The following LVRN variants were observed in gnomAD, a reference collection of about 807,000 sequenced individuals.
The protein encoded by LVRN is aminopeptidase Q.
LVRN carries 99 observed loss-of-function variants against 111.4 expected under a neutral mutation model. The ratio of observed to expected loss-of-function variants is 0.89; its 90% CI spans 0.76 to 1.05. The LOEUF (loss-of-function observed/expected upper bound fraction) is 1.05. LVRN is among the 50% of genes least tolerant of loss of function. LVRN has a pLI of 0.00. For synonymous variants in LVRN, 488 were observed against 449.5 expected (o/e 1.09, Z -1.08); for missense variants, 1,414 against 1,206.8 (o/e 1.17, Z -2.54).
At chr5:115,981,291 G>T (rs577432529) in intron 1 of LVRN, among the ~76,000 whole-genome samples, 1 of 152,122 alleles carries the variant, frequency 6.6e-6, no homozygotes, top group East Asian at 1.9e-4. Context: ...CAATTGCTAT[G>T]AACCCAGATT....
intron 6 of LVRN, 75 bp from the exon 7 acceptor site, chr5:115,999,687 G>C: frequency 1.3e-6 from 2 of 1,499,640 alleles, no homozygotes; most frequent in Non-Finnish European, 1.8e-6. Flanking sequence ...GTTTTTGAAA[G>C]TATTTTAGGG....
chr5:115,998,199 G>A (rs1016935628), intron 6 of LVRN, among the ~76,000 whole-genome samples: 1 of 152,066 alleles, frequency 6.6e-6, no homozygotes, highest in African/African-American at 2.4e-5. Context: ...ATATTTTAAG[G>A]TTTTTCTTTT....
chr5:115,983,552 AG>A (rs1747768820), intron 2 of LVRN, 123 bp downstream of exon 2: 3 of 1,094,298 alleles, frequency 2.7e-6, no homozygotes, highest in Non-Finnish European at 2.5e-6. Context: ...TACTATAATT[AG>A]GTAGAGCAGT....
At chr5:116,008,022 C>T (rs7729142) in intron 13 of LVRN, among the ~76,000 whole-genome samples, 72,027 of 151,852 alleles carry the variant, frequency 0.47, 17,528 homozygotes, top group South Asian at 0.58. Flanking sequence ...TCTTCTTTGG[C>T]GTTTCCATTC....
At chr5:115,971,371 C>T (rs1315870434) in intron 1 of LVRN, among the ~76,000 whole-genome samples, 1 of 152,076 alleles carries the variant, frequency 6.6e-6, no homozygotes, top group Non-Finnish European at 1.5e-5. Flanking sequence ...TTATATATAT[C>T]AAGCTTTTGT....
intron 5 of LVRN, among the ~76,000 whole-genome samples, chr5:115,993,287 A>G (rs1280216343): frequency 6.6e-6 from 1 of 151,768 alleles, no homozygotes; most frequent in East Asian, 1.9e-4. Context: ...TGATTTGTAC[A>G]TGGCACAGAT....
Position 116,014,518 on chromosome 5 carries a change from C to G in LVRN, c.2441C>G (p.Pro814Arg). 1 of 1,612,060 alleles carries G rather than the reference C, an allele frequency of 6.2e-7. No homozygotes were observed. Among genetic ancestry groups the G allele is most frequent in the Non-Finnish European group, 8.5e-7 (1 of 1,178,446 alleles). The part of the protein sequence containing the change: ...KELFAKWVDH[P>R]ENEIPYPIKD... ...CTTTTCGCAAAATGGGTGGATCATC[C>G]AGAAAATGAGTAAGAGTAATATCAT... Residue 814 changes from proline (P) to arginine (R), a missense_variant, in exon 16 of 20, where the codon CCA becomes CGA. Physicochemically the swap from Pro to Arg is moderately radical, Grantham distance 103. Transcript: ENST00000357872.
chr5:115,979,159 T>C (rs150672771), intron 1 of LVRN, among the ~76,000 whole-genome samples: 2,995 of 152,166 alleles, frequency 0.02, 33 homozygotes, highest in Non-Finnish European at 0.03. Flanking sequence ...CAAGGAATGC[T>C]CATGCTTCCC....
chr5:115,988,575 AT>A (rs1747919020), intron 4 of LVRN, among the ~76,000 whole-genome samples: 1 of 152,140 alleles, frequency 6.6e-6, no homozygotes, highest in African/African-American at 2.4e-5. Context: ...ATGTAAATGT[AT>A]TTTGTTCTTC....
At chr5:116,008,556 G>T (rs1245162824) in intron 13 of LVRN, among the ~76,000 whole-genome samples, 1 of 151,502 alleles carries the variant, frequency 6.6e-6, no homozygotes, top group African/African-American at 2.4e-5. Flanking sequence ...CAAAGGATAA[G>T]TTCTTGAAGG....
intron 2 of LVRN, among the ~76,000 whole-genome samples, chr5:115,983,842 T>A (rs1394570211): frequency 6.6e-6 from 1 of 152,190 alleles, no homozygotes; most frequent in Non-Finnish European, 1.5e-5. Flanking sequence ...AATTTAAATG[T>A]GAAAACTTAG....
rs777308737 is a variant in LVRN, at chr5:116,001,137, A to G, written c.1718A>G (p.Gln573Arg). ...AACATAATGGACAGTTGGACACACC[A>G]GAGTGGTTTTCCAGTGATCACTTTA... ...IKNIMDSWTH[Q>R]SGFPVITLNV... Residue 573 changes from glutamine (Q) to arginine (R), a missense_variant, in exon 10 of 20, where the codon CAG becomes CGG. Physicochemically the swap from Gln to Arg is conservative, Grantham distance 43. Coordinates refer to ENST00000357872, the MANE Select transcript of LVRN (RefSeq NM_173800.5). The G allele has an allele frequency of 2.7e-5, 43 of 1,613,908 alleles. No individual in the cohort carries two copies. Among genetic ancestry groups the G allele is most frequent in the Non-Finnish European group, 3.5e-5 (41 of 1,179,996 alleles).
intron 4 of LVRN, among the ~76,000 whole-genome samples, chr5:115,991,623 C>T (rs1271729790): frequency 2.0e-5 from 3 of 152,168 alleles, no homozygotes; most frequent in Non-Finnish European, 2.9e-5. Context: ...TGCATCCCCA[C>T]GAGCAATGAA....
intron 4 of LVRN, among the ~76,000 whole-genome samples, chr5:115,988,800 C>G (rs1255423351): frequency 6.6e-6 from 1 of 152,116 alleles, no homozygotes; most frequent in Non-Finnish European, 1.5e-5. Context: ...AAACACCTAT[C>G]ACTCAGGGAG....
At chr5:115,994,800 A>G (rs576033479) in intron 6 of LVRN, among the ~76,000 whole-genome samples, 9 of 152,324 alleles carry the variant, frequency 5.9e-5, no homozygotes, top group African/African-American at 2.2e-4. Context: ...TTAGAATGCC[A>G]TGATAAAACC....
chr5:116,003,366 G>A lies in LVRN; in HGVS notation c.2023G>A (p.Glu675Lys). The A allele has an allele frequency of 2.7e-6, 4 of 1,461,514 alleles. No individual in the cohort carries two copies. Among genetic ancestry groups the A allele is most frequent in the Non-Finnish European group, 3.7e-6 (4 of 1,077,018 alleles). 90.5% of individuals were successfully genotyped at this position (1,461,514 alleles called of 1,614,324 possible). Residue 675 changes from glutamate (E) to lysine (K), a missense_variant, in exon 12 of 20, where the codon GAA (glutamate) becomes AAA (lysine). Physicochemically the swap from Glu to Lys is moderately conservative, Grantham distance 56 (BLOSUM62 1). Coordinates refer to ENST00000357872, the MANE Select transcript of LVRN (RefSeq NM_173800.5). ...LGWKKLNQQL[E>K]KDPKAIPVIH... ...TTGGAAGAAACTAAATCAACAACTT[G>A]AAAAGGATCCTAAGGTAAGGTTACT... is the stretch of plus-strand genomic sequence containing the variant.
At position 116,026,697 on chromosome 5, in the gene LVRN, C is replaced by G. The variant is rs982817732; in HGVS notation, c.*579C>G. ...AAGGCAAGAAGTGTGTCTTCTCCTG[C>G]CCATTTCTCTCTCCCACAGTACATC... On this transcript the variant is annotated 3_prime_UTR_variant, in exon 20 of 20. Coordinates refer to ENST00000357872, the MANE Select transcript of LVRN (RefSeq NM_173800.5). 1 of 157,234 alleles carries G rather than the reference C, an allele frequency of 6.4e-6. No homozygotes were observed. The highest frequency in any genetic ancestry group is 1.4e-5 in the Non-Finnish European group (1 of 71,848). 9.7% of individuals were successfully genotyped at this position (157,234 alleles called of 1,614,324 possible). A position where few individuals can be genotyped will look rare whatever the true frequency, so the allele number is the denominator to read the frequency against.
chr5:116,015,663 C>T lies in LVRN; in HGVS notation c.2654C>T (p.Thr885Ile). Reference protein sequence around the residue: ...MEYAISTSPFTSNETNIIEVV... With the variant: ...MEYAISTSPFISNETNIIEVV... ...TATGCCATCAGCACATCTCCATTCACTTCTAATGAAACAAATATAATTGAG... is the reference window on the plus strand; with the variant it reads ...TATGCCATCAGCACATCTCCATTCATTTCTAATGAAACAAATATAATTGAG... The change falls in exon 18 of 20, where the codon ACT (threonine) becomes ATT (isoleucine). Residue 885 changes from threonine (T) to isoleucine (I), a missense_variant. Thr to Ile is a moderately conservative substitution (Grantham distance 89). Coordinates refer to ENST00000357872, the MANE Select transcript of LVRN (RefSeq NM_173800.5). 6.2e-7 allele frequency: 1 copy of T among 1,613,296 alleles called. No individual in the cohort carries two copies. The highest frequency in any genetic ancestry group is 8.5e-7 in the Non-Finnish European group (1 of 1,179,534).
At position 115,962,710 on chromosome 5, in the gene LVRN, C is replaced by T. The variant is rs1482655536; in HGVS notation, c.93C>T (p.Ala31=). The change falls in exon 1 of 20, where the codon GCC becomes GCT. Residue 31 remains alanine, a synonymous_variant. Transcript: ENST00000357872. Reference sequence around the variant, plus strand: ...TAGCCGCCCTCCTGCTGGCGCTGGCCGTACTCGCCGCCTTGTACGGCCACT... The same window carrying T: ...TAGCCGCCCTCCTGCTGGCGCTGGCTGTACTCGCCGCCTTGTACGGCCACT... The part of the protein sequence containing the change: ...GLVAALLLAL[A]VLAALYGHCE... The T allele has an allele frequency of 3.1e-6, 5 of 1,611,628 alleles. No homozygotes were observed. The highest frequency in any genetic ancestry group is 1.7e-5 in the Admixed American group (1 of 59,968).
Sources: gnomAD v4.1 joint callset for allele counts (sites outside exome capture counted in the v4.1 genomes callset) on GRCh38, gnomAD v4.1.1 for gene constraint, MANE v1.5 for transcripts, NCBI Gene and HGNC (gene_info 2026-07-23, HGNC 2026-07-21) for gene names.